Variants in PARP15 observed in about 807,000 individuals in gnomAD.
PARP15 encodes protein mono-ADP-ribosyltransferase PARP15.
In PARP15, 50 loss-of-function variants were observed where a neutral mutation model predicts 62.1. The ratio of observed to expected loss-of-function variants is 0.81; its 90% confidence interval spans 0.64 to 1.02. The LOEUF (loss-of-function observed/expected upper bound fraction) is 1.02, where lower values mean the gene tolerates loss of function less well. Among genes scored for constraint, PARP15 ranks in the 50% least tolerant of loss-of-function variants. The pLI is 0.00. For synonymous variants in PARP15, 309 were observed against 293.1 expected (o/e 1.05, Z -0.55); for missense variants, 820 against 826.5 (o/e 0.99, Z 0.10).
chr3:122,615,744 A>G lies in PARP15; in HGVS notation c.772-35A>G, dbSNP rs200883245. 219 of 1,607,896 alleles carry G rather than the reference A, an allele frequency of 1.4e-4. No individual in the cohort carries two copies. Among genetic ancestry groups the G allele is most frequent in the Non-Finnish European group, 1.7e-4 (200 of 1,174,768 alleles). ...AGAATTGGATTAATATTTTTACACA[A>G]TATTGTTGTAGTCAGTAACTGTTTC... is the stretch of plus-strand genomic sequence containing the variant. On this transcript the variant is annotated intron_variant, in intron 4 of 11. Coordinates refer to ENST00000464300, the MANE Select transcript of PARP15 (RefSeq NM_001113523.3).
intron 1 of PARP15, among the ~76,000 whole-genome samples, chr3:122,585,164 T>C (rs1005955124): frequency 3.9e-5 from 6 of 152,218 alleles, no homozygotes; most frequent in African/African-American, 1.4e-4. Context: ...AAGTACCAGG[T>C]TTTTGCAGTG....
chr3:122,632,854 C>T (rs1937136997), intron 10 of PARP15, among the ~76,000 whole-genome samples: 1 of 152,180 alleles, frequency 6.6e-6, no homozygotes, highest in Non-Finnish European at 1.5e-5. Context: ...CTTAATTAGA[C>T]TCCATCCTAG....
rs575270955 is a variant in PARP15, at chr3:122,636,656, A to G, written c.*556A>G. On this transcript the variant is annotated 3_prime_UTR_variant, in exon 12 of 12. Transcript: ENST00000464300. ...TACATTTCAGGTAAAAATGTATCGCATTGTTATCTAATATTAAAAAATTAC... is the reference window on the plus strand; with the variant it reads ...TACATTTCAGGTAAAAATGTATCGCGTTGTTATCTAATATTAAAAAATTAC... 104 of 153,508 alleles carry G rather than the reference A, an allele frequency of 6.8e-4. 1 individual carries two copies. The South Asian group carries it at 0.021, about 30-fold the overall frequency. The allele number at this position is 153,508 out of a possible 1,614,324, so 9.5% of individuals were successfully genotyped here.
intron 2 of PARP15, among the ~76,000 whole-genome samples, chr3:122,608,021 A>G (rs1239859653): frequency 6.6e-6 from 1 of 152,076 alleles, no homozygotes; most frequent in Admixed American, 6.6e-5. Context: ...ACTTCTCTGC[A>G]CACACATCTT....
rs748346125 is a variant in PARP15 at position 122,610,623 on chromosome 3, G to C, written c.436G>C (p.Glu146Gln). 3.1e-5 allele frequency: 48 copies of C among 1,551,496 alleles called. No homozygotes were observed. Among genetic ancestry groups the C allele is most frequent in the Middle Eastern group, 1.7e-4 (1 of 5,992 alleles). The change falls in exon 3 of 12, where the codon GAA becomes CAA. Residue 146 changes from glutamate to glutamine, a missense_variant. Glu to Gln is a conservative substitution (Grantham distance 29). This residue lies in a region of PARP15 where 731 missense variants were observed against 727.7 expected (regional missense o/e 1.00). Coordinates refer to ENST00000464300, the MANE Select transcript of PARP15 (RefSeq NM_001113523.3). ...AGATGACAGAAGGCGGGAAACAGAG[G>C]AAAAAGTAGGTAACATATTCATGAC... ...ELDDRRRETE[E>Q]KVGNIFMTSG...
intron 1 of PARP15, among the ~76,000 whole-genome samples, chr3:122,599,783 C>T (rs1429067683): frequency 2.0e-5 from 3 of 152,244 alleles, no homozygotes; most frequent in East Asian, 3.9e-4. Context: ...CTATGTTGGC[C>T]GGGCTTGTCT....
At chr3:122,612,510 C>T (rs1276835962) in intron 3 of PARP15, among the ~76,000 whole-genome samples, 8 of 151,980 alleles carry the variant, frequency 5.3e-5, no homozygotes, top group Non-Finnish European at 1.2e-4. Flanking sequence ...AATCTTGGCT[C>T]ACTGCAAGCT....
At chr3:122,616,020 G>A (rs922410797) in intron 5 of PARP15, among the ~76,000 whole-genome samples, 163 bp downstream of exon 5, 16 of 152,184 alleles carry the variant, frequency 1.1e-4, no homozygotes, top group Non-Finnish European at 1.3e-4. Flanking sequence ...ACACAAAGAA[G>A]CAATCGCATA....
At chr3:122,624,984 A>C (rs1936604500) in intron 8 of PARP15, among the ~76,000 whole-genome samples, 1 of 152,098 alleles carries the variant, frequency 6.6e-6, no homozygotes, top group Non-Finnish European at 1.5e-5. Flanking sequence ...CCTGGTCCCA[A>C]ATCCTGCACA....
intron 1 of PARP15, among the ~76,000 whole-genome samples, chr3:122,591,534 G>A (rs945905026): frequency 2.6e-5 from 4 of 152,104 alleles, no homozygotes; most frequent in Admixed American, 6.6e-5. Flanking sequence ...AGGCCGAGGC[G>A]GGCAGATCAC....
At chr3:122,623,158 T>A (rs1936461344) in intron 8 of PARP15, among the ~76,000 whole-genome samples, 1 of 152,194 alleles carries the variant, frequency 6.6e-6, no homozygotes, top group East Asian at 1.9e-4. Flanking sequence ...GGCATTTTGT[T>A]ACCACTTTTT....
At chr3:122,598,788 T>G (rs35815766) in intron 1 of PARP15, among the ~76,000 whole-genome samples, 12,840 of 152,188 alleles carry the variant, frequency 0.084, 551 homozygotes, top group Non-Finnish European at 0.1. Context: ...TTCAAGACAG[T>G]CTCCCTTCAC....
At chr3:122,622,308 G>A (rs1936401819) in intron 8 of PARP15, among the ~76,000 whole-genome samples, 2 of 152,124 alleles carry the variant, frequency 1.3e-5, no homozygotes, top group African/African-American at 4.8e-5. Context: ...CATTACATCA[G>A]AATCCAAACT....
chr3:122,583,263 G>T (rs1283751240), intron 1 of PARP15, among the ~76,000 whole-genome samples: 2 of 146,396 alleles, frequency 1.4e-5, no homozygotes, highest in Non-Finnish European at 3.0e-5. Context: ...GGGATTACAG[G>T]TGCCTGCCAC....
rs776879520 is a variant in PARP15, at chr3:122,635,100, G to C, written c.1653G>C (p.Lys551Asn). The change falls in exon 11 of 12, where the codon AAG becomes AAC. Residue 551 changes from lysine to asparagine, a missense_variant. By Grantham distance (94) the Lys-to-Asn change is moderately conservative (BLOSUM62 0). This residue lies in a region of PARP15 where 731 missense variants were observed against 727.7 expected (regional missense o/e 1.00). Coordinates refer to ENST00000464300, the MANE Select transcript of PARP15 (RefSeq NM_001113523.3). ...KRQMDIKNDH[K>N]NNERLLFHGT... The stretch of plus-strand genomic sequence containing the variant: ...AAATGGATATCAAGAATGACCATAA[G>C]AATAATGAGAGACTCCTCTTCCATG... The C allele has an allele frequency of 6.2e-7, 1 of 1,614,086 alleles. No homozygotes were observed. Among genetic ancestry groups the C allele is most frequent in the South Asian group, 1.1e-5 (1 of 91,078 alleles).
chr3:122,603,875 T>C (rs1934984140), intron 1 of PARP15, among the ~76,000 whole-genome samples: 1 of 152,064 alleles, frequency 6.6e-6, no homozygotes, highest in African/African-American at 2.4e-5. Flanking sequence ...CAGAAAAAAA[T>C]TGATATCCTT....
rs1369520918 is a variant in PARP15 at position 122,637,246 on chromosome 3, C to A, written c.*1146C>A. 2 of 152,202 alleles carry A rather than the reference C, an allele frequency of 1.3e-5. No individual in the cohort carries two copies. Among genetic ancestry groups the A allele is most frequent in the Non-Finnish European group, 2.9e-5 (2 of 68,094 alleles). The allele number at this position is 152,202 out of a possible 1,614,324, so 9.4% of individuals were successfully genotyped here. ...CTCTTGTCCTTCTCCCCCAACCCTC[C>A]CCTGCTCCCAGGCAAGAAGCCCTCT... is the stretch of plus-strand genomic sequence containing the variant. On this transcript the variant is annotated 3_prime_UTR_variant, in exon 12 of 12. Coordinates refer to ENST00000464300, the MANE Select transcript of PARP15 (RefSeq NM_001113523.3).
chr3:122,624,180 A>G (rs908647762), intron 8 of PARP15, among the ~76,000 whole-genome samples: 1 of 152,122 alleles, frequency 6.6e-6, no homozygotes, highest in Non-Finnish European at 1.5e-5. Flanking sequence ...AAGAAAAAAT[A>G]AATGCTTACT....
intron 6 of PARP15, among the ~76,000 whole-genome samples, chr3:122,618,981 A>G (rs1370122881): frequency 1.3e-5 from 2 of 152,256 alleles, no homozygotes; most frequent in Non-Finnish European, 2.9e-5. Context: ...ACAAATTGAA[A>G]AGAGATTTTT....
Sources: allele counts gnomAD v4.1 joint callset (sites outside exome capture counted in the v4.1 genomes callset), GRCh38; gene constraint gnomAD v4.1.1; regional missense constraint gnomAD v4.1.1; transcripts MANE v1.5; gene names NCBI Gene and HGNC (gene_info 2026-07-23, HGNC 2026-07-21).